Variants in USP12 observed in about 807,000 individuals in gnomAD.
USP12 encodes the protein ubiquitin carboxyl-terminal hydrolase 12.
USP12 carries 19 observed loss-of-function variants against 45.5 expected under a neutral mutation model. The ratio of observed to expected loss-of-function variants is 0.42; its 90% CI spans 0.29 to 0.61. The LOEUF (loss-of-function observed/expected upper bound fraction) is 0.61, where lower values mean the gene tolerates loss of function less well. Among genes scored for constraint, USP12 ranks in the 20% least tolerant of loss-of-function variants. USP12 has a pLI of 0.22. For synonymous variants in USP12, 149 were observed against 148.8 expected, an observed-to-expected ratio of 1.00 and a Z score of -0.01; for missense variants, 242 against 447.7, an observed-to-expected ratio of 0.54 and a Z score of 4.15.
chr13:27,150,961 TGGATTTGGCAAAGGATTGACACA>T (rs1183449923), intron 1 of USP12, among the ~76,000 whole-genome samples: 10 of 152,104 alleles, frequency 6.6e-5, no homozygotes, highest in South Asian at 6.2e-4. Context: ...TCTTAAACAC[TGGATTTGGCAAAGGATTGACACA>T]GGATTTGGCA....
At chr13:27,155,151 G>A (rs976319600) in intron 1 of USP12, among the ~76,000 whole-genome samples, 29 of 128,440 alleles carry the variant, frequency 2.3e-4, no homozygotes, top group African/African-American at 7.3e-4. Context: ...GCGCGATCTC[G>A]GCTCATTGCA....
intron 1 of USP12, among the ~76,000 whole-genome samples, chr13:27,162,696 G>T (rs566726671): frequency 6.6e-6 from 1 of 152,246 alleles, no homozygotes; most frequent in South Asian, 2.1e-4. Context: ...TTCTTATTGA[G>T]CAATATTTTG....
At chr13:27,167,156 G>C (rs1878382700) in intron 1 of USP12, among the ~76,000 whole-genome samples, 1 of 152,102 alleles carries the variant, frequency 6.6e-6, no homozygotes, top group East Asian at 1.9e-4. Flanking sequence ...CAGCTACTCG[G>C]GAGGCTGAGG....
At chr13:27,105,028 T>C (rs1389782182) in intron 3 of USP12, among the ~76,000 whole-genome samples, 1 of 152,222 alleles carries the variant, frequency 6.6e-6, no homozygotes, top group Non-Finnish European at 1.5e-5. Flanking sequence ...TAAGTTTGTA[T>C]ACCAGCTCCA....
intron 1 of USP12, among the ~76,000 whole-genome samples, chr13:27,161,806 C>T (rs1001026547): frequency 4.6e-5 from 7 of 151,102 alleles, no homozygotes; most frequent in Admixed American, 1.3e-4. Context: ...AGCTTGAGCC[C>T]GGGGGGCAGA....
chr13:27,114,264 G>A (rs1387955107), intron 2 of USP12, among the ~76,000 whole-genome samples: 2 of 152,082 alleles, frequency 1.3e-5, no homozygotes, highest in Non-Finnish European at 2.9e-5. Context: ...AAGTAAGAAA[G>A]ATACACTAAA....
intron 3 of USP12, among the ~76,000 whole-genome samples, chr13:27,098,340 T>A (rs1874695018): frequency 6.7e-6 from 1 of 149,582 alleles, no homozygotes; most frequent in Admixed American, 6.8e-5. Context: ...ATCCAGACTA[T>A]GTAAAGGTTT....
intron 1 of USP12, among the ~76,000 whole-genome samples, chr13:27,135,130 A>G (rs1876742024): frequency 6.6e-6 from 1 of 151,866 alleles, no homozygotes; most frequent in Non-Finnish European, 1.5e-5. Context: ...ACTAAGAAAA[A>G]TACAAAAATT....
At chr13:27,131,119 A>G (rs1359670703) in intron 1 of USP12, among the ~76,000 whole-genome samples, 1 of 152,282 alleles carries the variant, frequency 6.6e-6, no homozygotes, top group Non-Finnish European at 1.5e-5. Flanking sequence ...TATGTTAAAC[A>G]CAATTTGAAT....
intron 1 of USP12, among the ~76,000 whole-genome samples, chr13:27,120,255 TC>T (rs1341260454): frequency 6.6e-6 from 1 of 152,128 alleles, no homozygotes; most frequent in Admixed American, 6.5e-5. Flanking sequence ...TAATAATAGC[TC>T]CATTCCCACA....
chr13:27,149,357 C>T (rs1877463983), intron 1 of USP12, among the ~76,000 whole-genome samples: 1 of 152,194 alleles, frequency 6.6e-6, no homozygotes, highest in African/African-American at 2.4e-5. Context: ...CTCTTGTTAA[C>T]TTCTACTCAA....
intron 6 of USP12, among the ~76,000 whole-genome samples, chr13:27,088,085 G>A (rs1874143711): frequency 6.6e-6 from 1 of 152,218 alleles, no homozygotes; most frequent in African/African-American, 2.4e-5. Context: ...AGTAATGGGA[G>A]GTTCAGAAAA....
At chr13:27,094,887 C>T (rs1330405111) in intron 4 of USP12, among the ~76,000 whole-genome samples, 2 of 152,072 alleles carry the variant, frequency 1.3e-5, no homozygotes, top group Non-Finnish European at 2.9e-5. Flanking sequence ...ATGGCTCACA[C>T]CTGTAATCCC....
At chr13:27,069,435 G>C (rs748547317) in intron 8 of USP12, 51 bp from the exon 9 acceptor site, 2 of 1,338,058 alleles carry the variant, frequency 1.5e-6, no homozygotes, top group South Asian at 2.4e-5. Flanking sequence ...TGTACAGCCA[G>C]AATGGCTTAA....
At chr13:27,166,852 A>C (rs924448780) in intron 1 of USP12, among the ~76,000 whole-genome samples, 1 of 152,148 alleles carries the variant, frequency 6.6e-6, no homozygotes, top group Admixed American at 6.5e-5. Context: ...TCAACGCCCT[A>C]GTACCCTACC....
chr13:27,090,252 T>A, intron 4 of USP12, 94 bp from the exon 5 acceptor site: 1 of 983,496 alleles, frequency 1.0e-6, no homozygotes, highest in Non-Finnish European at 1.5e-6. Flanking sequence ...TTATTATCAG[T>A]AAGTAAACAA....
chr13:27,124,246 T>C (rs752515881), intron 1 of USP12, among the ~76,000 whole-genome samples: 7 of 152,216 alleles, frequency 4.6e-5, no homozygotes, highest in African/African-American at 9.6e-5. Flanking sequence ...CTGGAATTAA[T>C]GTAATTCCTT....
intron 1 of USP12, among the ~76,000 whole-genome samples, chr13:27,121,715 G>C (rs1875999486): frequency 6.6e-6 from 1 of 151,938 alleles, no homozygotes; most frequent in African/African-American, 2.4e-5. Flanking sequence ...CAAAAAATTA[G>C]GTGGGCATGG....
intron 1 of USP12, among the ~76,000 whole-genome samples, chr13:27,134,127 G>C (rs1393903975): frequency 6.6e-6 from 1 of 152,226 alleles, no homozygotes. Flanking sequence ...CTGGGTCACA[G>C]AGCCAGACCC....
Sources: allele counts gnomAD v4.1 joint callset (sites outside exome capture counted in the v4.1 genomes callset), GRCh38; gene constraint gnomAD v4.1.1; transcripts MANE v1.5; gene names NCBI Gene and HGNC (gene_info 2026-07-23, HGNC 2026-07-21).